Variants in LARP1 observed in about 807,000 individuals in gnomAD.
LARP1 encodes the protein la-related protein 1.
In LARP1, 36 loss-of-function variants were observed where a neutral mutation model predicts 122.7. The observed-to-expected ratio is 0.29, with a 90% CI of 0.22 to 0.39. LARP1 has a LOEUF of 0.39. LARP1 is among the 10% of genes least tolerant of loss of function. The pLI is 1.00. For missense variants in LARP1, 1,040 were observed against 1,403.6 expected (o/e 0.74, Z 4.14); for synonymous variants, 539 against 528.7 (o/e 1.02, Z -0.27).
chr5:154,785,246 G>A (rs1350331257), intron 1 of LARP1, among the ~76,000 whole-genome samples: 6 of 152,194 alleles, frequency 3.9e-5, no homozygotes, highest in Non-Finnish European at 7.3e-5. Context: ...ATGGATTACC[G>A]CTCAGAAGAG....
intron 7 of LARP1, 136 bp downstream of exon 7, chr5:154,794,398 T>C (rs1757584269): frequency 1.3e-6 from 1 of 783,798 alleles, no homozygotes; most frequent in South Asian, 2.0e-5. Context: ...CTTTTCTCAT[T>C]GTTTATTAAA....
In LARP1 at chr5:154,755,945, C is replaced by G. The variant is rs1753845323; in HGVS notation, c.188C>G (p.Pro63Arg). Residue 63 changes from proline to arginine, a missense_variant, in exon 1 of 19, where the codon CCG (proline) becomes CGG (arginine). By Grantham distance (103) the Pro-to-Arg change is moderately radical. Coordinates refer to ENST00000518297, the MANE Select transcript of LARP1 (RefSeq NM_033551.3). ...ARRPRPPCAK[P>R]HKEGTGQQER... Reference sequence around the variant, plus strand: ...AGACCCCGGCCGCCCTGCGCCAAGCCGCACAAGGAGGGCACCGGGCAGCAG... The same window carrying G: ...AGACCCCGGCCGCCCTGCGCCAAGCGGCACAAGGAGGGCACCGGGCAGCAG... 5.0e-6 allele frequency: 5 copies of G among 1,001,656 alleles called. No homozygotes were observed. The East Asian group carries it at 4.4e-4, about 88-fold the overall frequency. 62.0% of individuals were successfully genotyped at this position (1,001,656 alleles called of 1,614,324 possible). A position where few individuals can be genotyped will look rare whatever the true frequency, so the allele number is the denominator to read the frequency against.
chr5:154,787,645 TG>T (rs1756994189), intron 1 of LARP1, among the ~76,000 whole-genome samples: 1 of 152,212 alleles, frequency 6.6e-6, no homozygotes, highest in South Asian at 2.1e-4. Flanking sequence ...TGGCTTTTTC[TG>T]CCTTTCTGGG....
chr5:154,687,431 G>T lies in LARP1; in HGVS notation c.-180+4394G>T, dbSNP rs956837294. ...GAGTCTCACTCTGTCACCTAGGCCG[G>T]AGTGCAGTGGCGTGATCTCGGCTCA... On this transcript the variant is annotated intron_variant, in intron 1 of 18. Transcript: ENST00000687700. Among the ~76,000 whole-genome samples the T allele has an allele frequency of 2.6e-5, 4 of 152,330 alleles. No individual in the cohort carries two copies. In the South Asian group the frequency reaches 8.3e-4, roughly 32 times the overall value.
intron 8 of LARP1, 84 bp downstream of exon 8, chr5:154,795,403 G>A: frequency 7.1e-7 from 1 of 1,408,600 alleles, no homozygotes; most frequent in Admixed American, 2.0e-5. Flanking sequence ...AGAAAGCCCT[G>A]GAAGAGTCAT....
chr5:154,704,382 C>T (rs1754851524), intron 1 of LARP1, among the ~76,000 whole-genome samples: 1 of 152,102 alleles, frequency 6.6e-6, no homozygotes, highest in African/African-American at 2.4e-5. Flanking sequence ...CGTGGTGGCT[C>T]ATGCCTGTAA....
chr5:154,808,336 G>A, intron 15 of LARP1, 123 bp from the exon 16 acceptor site: 1 of 1,172,446 alleles, frequency 8.5e-7, no homozygotes, highest in Non-Finnish European at 1.2e-6. Context: ...AGTGGCAGAT[G>A]ATGAGTGAGG....
In LARP1 at chr5:154,766,872, G is replaced by C. The variant is rs534950260; in HGVS notation, c.436+10679G>C. On this transcript the variant is annotated intron_variant, in intron 1 of 18. Coordinates refer to ENST00000518297, the MANE Select transcript of LARP1 (RefSeq NM_033551.3). ...TCCATTGCTGTGCCCTCAGGGCCTT[G>C]GTTTTCCCTTCCTCCTTTCAGAGAA... Among the ~76,000 whole-genome samples, 6 of 152,266 alleles carry C rather than the reference G, an allele frequency of 3.9e-5. No individual in the cohort carries two copies. In the East Asian group the frequency reaches 9.6e-4, roughly 24 times the overall value.
chr5:154,685,416 A>G (rs1006423423), intron 1 of LARP1, among the ~76,000 whole-genome samples: 2 of 152,062 alleles, frequency 1.3e-5, no homozygotes, highest in African/African-American at 4.8e-5. Context: ...GGCCTTGCAC[A>G]TGCTGTTCCT....
chr5:154,732,064 G>A (rs1756607288), intron 1 of LARP1, among the ~76,000 whole-genome samples: 1 of 151,496 alleles, frequency 6.6e-6, no homozygotes, highest in Admixed American at 6.6e-5. Flanking sequence ...TACTTGGGAG[G>A]CTGAGGCAGG....
chr5:154,798,903 C>T (rs1443154253), intron 8 of LARP1, among the ~76,000 whole-genome samples: 1 of 151,962 alleles, frequency 6.6e-6, no homozygotes, highest in Non-Finnish European at 1.5e-5. Context: ...CTCGCCCTGT[C>T]GCCCAGGCTG....
intron 1 of LARP1, chr5:154,757,420 A>C (rs1754058212): frequency 6.8e-6 from 1 of 147,232 alleles, no homozygotes; most frequent in Admixed American, 6.7e-5. Context: ...GGGCGCGCCC[A>C]CTCTCCTCTC....
chr5:154,765,727 A>G (rs903909375), intron 1 of LARP1, among the ~76,000 whole-genome samples: 5 of 152,206 alleles, frequency 3.3e-5, no homozygotes, highest in Non-Finnish European at 5.9e-5. Flanking sequence ...CCACTGGGTC[A>G]GGGACTTCGA....
intron 1 of LARP1, among the ~76,000 whole-genome samples, chr5:154,695,990 C>G (rs777368766): frequency 6.6e-6 from 1 of 152,092 alleles, no homozygotes; most frequent in South Asian, 2.1e-4. Flanking sequence ...ATTATGGGCT[C>G]CTGGGGATAG....
intron 1 of LARP1, among the ~76,000 whole-genome samples, chr5:154,741,833 T>C (rs1752899169): frequency 6.6e-6 from 1 of 152,136 alleles, no homozygotes; most frequent in Admixed American, 6.6e-5. Flanking sequence ...GTGGCAGACA[T>C]ACTGTAACAT....
chr5:154,768,633 G>A (rs1755146404), intron 1 of LARP1, among the ~76,000 whole-genome samples: 1 of 152,116 alleles, frequency 6.6e-6, no homozygotes, highest in South Asian at 2.1e-4. Context: ...CCAAGCTGGA[G>A]TGCAGTGGCG....
intron 3 of LARP1, 55 bp from the exon 4 acceptor site, chr5:154,792,567 C>G: frequency 6.5e-7 from 1 of 1,544,460 alleles, no homozygotes; most frequent in African/African-American, 1.4e-5. Context: ...TGCCTTCCCT[C>G]CTATACCATG....
At chr5:154,690,001 G>A (rs546875493) in intron 1 of LARP1, among the ~76,000 whole-genome samples, 1 of 152,022 alleles carries the variant, frequency 6.6e-6, no homozygotes, top group Non-Finnish European at 1.5e-5. Flanking sequence ...AGATCGCGCC[G>A]TTGCACTCCA....
At chr5:154,781,815 G>T (rs926006466) in intron 1 of LARP1, among the ~76,000 whole-genome samples, 1 of 152,164 alleles carries the variant, frequency 6.6e-6, no homozygotes, top group Non-Finnish European at 1.5e-5. Context: ...TGTGGCCCAA[G>T]ACATTAATTC....
Sources: allele counts gnomAD v4.1 joint callset (sites outside exome capture counted in the v4.1 genomes callset), GRCh38; gene constraint gnomAD v4.1.1; transcripts MANE v1.5; gene names NCBI Gene and HGNC (gene_info 2026-07-23, HGNC 2026-07-21).